Variants in GRIP1 observed in about 807,000 individuals in gnomAD.
GRIP1 encodes the protein glutamate receptor-interacting protein 1.
Under a neutral mutation model 129.9 loss-of-function variants are expected in GRIP1, and 45 were observed. The ratio of observed to expected loss-of-function variants is 0.35; its 90% confidence interval spans 0.27 to 0.44. The LOEUF (loss-of-function observed/expected upper bound fraction) is 0.44, where lower values mean the gene tolerates loss of function less well. Among genes scored for constraint, GRIP1 ranks in the 20% least tolerant of loss-of-function variants. The pLI is 1.00. For synonymous variants in GRIP1, 530 were observed against 520.8 expected, an observed-to-expected ratio of 1.02 and a Z score of -0.24; for missense variants, 1,196 against 1,396.8, an observed-to-expected ratio of 0.86 and a Z score of 2.29.
intron 1 of GRIP1, among the ~76,000 whole-genome samples, chr12:66,843,543 C>A (rs1182649678): frequency 1.3e-5 from 2 of 152,062 alleles, no homozygotes; most frequent in Non-Finnish European, 2.9e-5. Context: ...AGATCTCACA[C>A]TTTCCAGTTT....
chr12:66,843,208 T>G (rs751675039), intron 1 of GRIP1, among the ~76,000 whole-genome samples: 1 of 152,028 alleles, frequency 6.6e-6, no homozygotes, highest in East Asian at 1.9e-4. Flanking sequence ...CTACTTATAA[T>G]AACATCAAGA....
At chr12:67,036,068 T>C (rs2043089613) in intron 1 of GRIP1, among the ~76,000 whole-genome samples, 1 of 152,186 alleles carries the variant, frequency 6.6e-6, no homozygotes, top group Non-Finnish European at 1.5e-5. Flanking sequence ...ATCAAAATTG[T>C]TTAATATTTA....
Position 66,541,927 on chromosome 12 carries a change from C to T in GRIP1, c.160G>A (p.Val54Ile), listed in dbSNP as rs199768740. The T allele has an allele frequency of 9.5e-4, 1,540 of 1,613,946 alleles. 5 individuals are homozygous for T. In the Middle Eastern group the frequency reaches 0.017, roughly 17 times the overall value. ...GTGCCTTCCTTCTTCATCAGCTCGA[C>T]GACTGTGGAGCCCTTGAATTCCTCT... ...IPEEFKGSTV[V>I]ELMKKEGTTL... The change falls in exon 3 of 25, where the codon GTC becomes ATC. Residue 54 changes from valine to isoleucine, a missense_variant. By Grantham distance (29) the Val-to-Ile change is conservative (BLOSUM62 3). Coordinates refer to ENST00000359742, the MANE Select transcript of GRIP1 (RefSeq NM_001366722.1).
chr12:66,833,073 A>G (rs1262860738), intron 1 of GRIP1, among the ~76,000 whole-genome samples: 1 of 152,212 alleles, frequency 6.6e-6, no homozygotes, highest in East Asian at 1.9e-4. Flanking sequence ...TACCAATTTC[A>G]TGAAGCCAGT....
intron 2 of GRIP1, among the ~76,000 whole-genome samples, chr12:66,581,356 A>G (rs1457350037): frequency 6.6e-6 from 1 of 151,416 alleles, no homozygotes; most frequent in Non-Finnish European, 1.5e-5. Flanking sequence ...TAGAAAAGCA[A>G]GAGCAAACAC....
intron 1 of GRIP1, among the ~76,000 whole-genome samples, chr12:66,768,660 C>T (rs562514662): frequency 6.6e-6 from 1 of 152,242 alleles, no homozygotes; most frequent in East Asian, 1.9e-4. Flanking sequence ...TAAGGATATA[C>T]TATGTAAAAT....
chr12:66,633,769 T>C (rs574340071), intron 1 of GRIP1, among the ~76,000 whole-genome samples: 2 of 152,338 alleles, frequency 1.3e-5, no homozygotes, highest in East Asian at 3.9e-4. Context: ...CCCTCTGCTA[T>C]GTGACCCCTG....
At chr12:66,612,106 T>C (rs769042260) in intron 1 of GRIP1, among the ~76,000 whole-genome samples, 1 of 152,190 alleles carries the variant, frequency 6.6e-6, no homozygotes, top group Non-Finnish European at 1.5e-5. Flanking sequence ...ATATAATGCA[T>C]ATAATGACCT....
At chr12:66,483,447 A>C (rs1262852565) in intron 7 of GRIP1, among the ~76,000 whole-genome samples, 1 of 152,200 alleles carries the variant, frequency 6.6e-6, no homozygotes, top group African/African-American at 2.4e-5. Context: ...GTTAAAGGAG[A>C]CACAGCATGA....
chr12:66,925,988 G>A (rs1168716070), intron 1 of GRIP1, among the ~76,000 whole-genome samples: 1 of 152,150 alleles, frequency 6.6e-6, no homozygotes, highest in African/African-American at 2.4e-5. Context: ...AAAAGAAGCA[G>A]TATGAAAGAA....
chr12:66,598,469 C>T (rs747565491), intron 1 of GRIP1, among the ~76,000 whole-genome samples: 1 of 152,154 alleles, frequency 6.6e-6, no homozygotes, highest in African/African-American at 2.4e-5. Context: ...TATCTTAGGT[C>T]TTCGACTCTT....
At chr12:66,976,763 T>C (rs1271448658) in intron 1 of GRIP1, among the ~76,000 whole-genome samples, 2 of 152,288 alleles carry the variant, frequency 1.3e-5, no homozygotes, top group Admixed American at 1.3e-4. Context: ...CAAAAGAGTA[T>C]TTCATCATCT....
In GRIP1 at chr12:66,444,631, G is replaced by C. The variant is rs1203441053; in HGVS notation, c.1640C>G (p.Ser547Cys). 6.2e-7 allele frequency: 1 copy of C among 1,613,938 alleles called. No individual in the cohort carries two copies. ...FEEASQLLRD[S>C]SITSKVTLEI... The stretch of plus-strand genomic sequence containing the variant: ...CAGTGTGACCTTGCTCGTGATTGAA[G>C]AGTCTCGGAGGAGCTGACTGGCTTC... Residue 547 changes from serine (S) to cysteine (C), a missense_variant, in exon 13 of 25, where the codon TCT becomes TGT. Coordinates refer to ENST00000359742, the MANE Select transcript of GRIP1 (RefSeq NM_001366722.1).
intron 15 of GRIP1, among the ~76,000 whole-genome samples, chr12:66,413,919 A>G (rs868212083): frequency 6.6e-5 from 10 of 152,166 alleles, no homozygotes; most frequent in African/African-American, 1.9e-4. Flanking sequence ...AAAAACTCTC[A>G]ATAATCTCGG....
intron 16 of GRIP1, among the ~76,000 whole-genome samples, chr12:66,400,763 A>G (rs539620223): frequency 2.0e-5 from 3 of 152,210 alleles, no homozygotes; most frequent in Non-Finnish European, 4.4e-5. Context: ...GTGGTAATAC[A>G]AAGCCGACTT....
At chr12:66,473,641 A>G (rs1174475166) in intron 7 of GRIP1, among the ~76,000 whole-genome samples, 1 of 152,242 alleles carries the variant, frequency 6.6e-6, no homozygotes, top group East Asian at 1.9e-4. Flanking sequence ...AGGAACAGGC[A>G]GCAATCTTTG....
rs2034704432 is a variant in GRIP1 at position 66,684,478 on chromosome 12, G to A, written c.-419-54142C>T. On this transcript the variant is annotated intron_variant, in intron 1 of 4. Transcript: ENST00000538373. ...CTTCAGCATTTTATCCTCTCCTAGG[G>A]CTCCAGCAATGACTTCTTTGCTTTG... Among the ~76,000 whole-genome samples, 4 of 152,108 alleles carry A rather than the reference G, an allele frequency of 2.6e-5. 1 individual carries two copies. In the South Asian group the frequency reaches 6.2e-4, roughly 24 times the overall value.
chr12:66,986,301 C>T (rs2135618293), intron 1 of GRIP1, among the ~76,000 whole-genome samples: 1 of 152,100 alleles, frequency 6.6e-6, no homozygotes, highest in Middle Eastern at 3.4e-3. Flanking sequence ...CTAGAAATAC[C>T]ATTTGACCCA....
At chr12:66,808,966 T>A (rs2039051388), upstream of GRIP1, among the ~76,000 whole-genome samples, 3 of 152,258 alleles carry the variant, frequency 2.0e-5, no homozygotes, top group South Asian at 6.2e-4. Flanking sequence ...CAGGCTATTA[T>A]AATAAATTGG....
Sources: gnomAD v4.1 joint callset for allele counts (sites outside exome capture counted in the v4.1 genomes callset) on GRCh38, gnomAD v4.1.1 for gene constraint, MANE v1.5 for transcripts, NCBI Gene and HGNC (gene_info 2026-07-23, HGNC 2026-07-21) for gene names.